The following NLGN4Y variants were observed in gnomAD, a reference collection of about 807,000 sequenced individuals.
NLGN4Y encodes neuroligin 4 Y-linked.
NLGN4Y carries 4 observed loss-of-function variants against 8.4 expected under a neutral mutation model. The observed-to-expected ratio is 0.48, with a 90% confidence interval of 0.23 to 1.09. The LOEUF (loss-of-function observed/expected upper bound fraction) is 1.09. Among genes scored for constraint, NLGN4Y ranks in the 50% least tolerant of loss-of-function variants. NLGN4Y has a pLI of 0.19. For synonymous variants in NLGN4Y, 35 were observed against 75.6 expected, an observed-to-expected ratio of 0.46 and a Z score of 2.78; for missense variants, 90 against 192.3, an observed-to-expected ratio of 0.47 and a Z score of 3.15.
At chrY:14,572,371 G>A in intron 1 of NLGN4Y, among the ~76,000 whole-genome samples, 2 of 29,051 alleles carry the variant, frequency 6.9e-5, no homozygotes. Flanking sequence ...TTGTGAATGG[G>A]AGTTCATTCA....
chrY:14,671,715 C>T (rs2080711483), intron 2 of NLGN4Y, among the ~76,000 whole-genome samples: 1 of 30,148 alleles, frequency 3.3e-5, no homozygotes, highest in African/African-American at 1.3e-4. Context: ...GTATGGTGGC[C>T]GGTGCCTGTA....
At chrY:14,839,196 A>G in intron 6 of NLGN4Y, among the ~76,000 whole-genome samples, 5 of 33,523 alleles carry the variant, frequency 1.5e-4, no homozygotes, top group Non-Finnish European at 3.7e-4. Context: ...AATGCTGAGT[A>G]CTAACCATTA....
chrY:14,786,508 C>G, intron 4 of NLGN4Y, among the ~76,000 whole-genome samples: 2 of 32,476 alleles, frequency 6.2e-5, no homozygotes, highest in Admixed American at 2.8e-4. Context: ...CTGCTCCCAC[C>G]TTCCACCCTC....
intron 2 of NLGN4Y, among the ~76,000 whole-genome samples, chrY:14,711,197 G>A: frequency 3.0e-5 from 1 of 32,939 alleles, no homozygotes. Context: ...CTTCTTTATG[G>A]CATCTATTGT....
chrY:14,833,131 T>C, intron 6 of NLGN4Y, among the ~76,000 whole-genome samples: 1 of 33,539 alleles, frequency 3.0e-5, no homozygotes, highest in Non-Finnish European at 7.4e-5. Context: ...CATTTGCTTT[T>C]GAAAGAAGAG....
At chrY:14,734,109 G>T (rs2080984000) in intron 4 of NLGN4Y, among the ~76,000 whole-genome samples, 1 of 32,939 alleles carries the variant, frequency 3.0e-5, no homozygotes, top group Non-Finnish European at 7.5e-5. Flanking sequence ...TTGCTCTCAG[G>T]GGGAAGGGAA....
At chrY:14,565,111 C>T in intron 1 of NLGN4Y, among the ~76,000 whole-genome samples, 4 of 32,482 alleles carry the variant, frequency 1.2e-4, no homozygotes, top group African/African-American at 2.4e-4. Context: ...GATGCCTCTC[C>T]TCCTCCAGAG....
At chrY:14,742,146 G>A (rs2081008252) in intron 4 of NLGN4Y, among the ~76,000 whole-genome samples, 3 of 33,258 alleles carry the variant, frequency 9.0e-5, no homozygotes, top group Non-Finnish European at 2.2e-4. Flanking sequence ...GTTAGACTAA[G>A]GCAGCTTGGA....
At position 14,758,325 on chromosome Y, in the gene NLGN4Y, T is replaced by C. The variant is rs769195127; in HGVS notation, c.685+35056T>C. On this transcript the variant is annotated intron_variant, in intron 4 of 6. Coordinates refer to ENST00000684976, the MANE Select transcript of NLGN4Y (RefSeq NM_001365588.1). ...CAAGGTTCTTTCATTCACTGAGCCA[T>C]GCTGTTCCCTGAATTTCTTAGATGC... Among the ~76,000 whole-genome samples the C allele has an allele frequency of 1.5e-4, 5 of 33,842 alleles. No individual in the cohort carries two copies. The South Asian group carries it at 3.3e-3, about 22-fold the overall frequency. The allele number at this position is 33,842 out of a possible 37,273, so 90.8% of individuals were successfully genotyped here.
At chrY:14,564,205 C>G in intron 1 of NLGN4Y, among the ~76,000 whole-genome samples, 2 of 33,363 alleles carry the variant, frequency 6.0e-5, no homozygotes, top group Admixed American at 5.5e-4. Context: ...GTGAACACTG[C>G]TTTAAATGTA....
chrY:14,580,910 AG>A (rs2080317778), intron 1 of NLGN4Y, among the ~76,000 whole-genome samples: 1 of 28,426 alleles, frequency 3.5e-5, no homozygotes, highest in African/African-American at 1.4e-4. Flanking sequence ...AAAAAGAAAA[AG>A]AAAAAAATTA....
At chrY:14,732,783 T>C (rs955352409) in intron 4 of NLGN4Y, among the ~76,000 whole-genome samples, 7 of 33,195 alleles carry the variant, frequency 2.1e-4, no homozygotes, top group African/African-American at 8.2e-4. Context: ...AGATCCTGAT[T>C]GTAGATCAAT....
intron 4 of NLGN4Y, among the ~76,000 whole-genome samples, chrY:14,810,284 C>T (rs2043073085): frequency 5.9e-5 from 2 of 34,036 alleles, no homozygotes; most frequent in Non-Finnish European, 7.3e-5. Context: ...GGTGTGATGG[C>T]TCATGCCTGT....
chrY:14,746,269 A>G, intron 4 of NLGN4Y, among the ~76,000 whole-genome samples: 1 of 33,474 alleles, frequency 3.0e-5, no homozygotes, highest in African/African-American at 1.2e-4. Context: ...TCTTCCCTCC[A>G]TCACTTCAGC....
At chrY:14,755,317 G>A in intron 4 of NLGN4Y, among the ~76,000 whole-genome samples, 1 of 33,072 alleles carries the variant, frequency 3.0e-5, no homozygotes, top group Non-Finnish European at 7.4e-5. Context: ...GTTAATAATC[G>A]AATTGTGTAT....
chrY:14,762,684 A>C (rs960694682), intron 4 of NLGN4Y, among the ~76,000 whole-genome samples: 2 of 34,293 alleles, frequency 5.8e-5, no homozygotes, highest in Non-Finnish European at 1.5e-4. Context: ...ATCTTGAAAA[A>C]TGTAAAATAA....
chrY:14,522,618 A>G, upstream of NLGN4Y: 1 of 33,517 alleles, frequency 3.0e-5, no homozygotes, highest in Non-Finnish European at 7.4e-5. Context: ...TTTTTCTTGC[A>G]GAGACATCTT....
intron 2 of NLGN4Y, among the ~76,000 whole-genome samples, chrY:14,680,363 G>T: frequency 3.0e-5 from 1 of 33,129 alleles, no homozygotes; most frequent in African/African-American, 1.2e-4. Context: ...GTGTCATATG[G>T]ATCTTGTTTG....
intron 2 of NLGN4Y, among the ~76,000 whole-genome samples, chrY:14,677,921 CA>C (rs2080755630): frequency 3.2e-5 from 1 of 31,491 alleles, no homozygotes. Context: ...GACAGAGTCC[CA>C]TTGTATTACA....
Sources: gnomAD v4.1 joint callset for allele counts (sites outside exome capture counted in the v4.1 genomes callset) on GRCh38, gnomAD v4.1.1 for gene constraint, MANE v1.5 for transcripts, NCBI Gene and HGNC (gene_info 2026-07-23, HGNC 2026-07-21) for gene names.